SH3BGR: variants seen among roughly 807,000 people sequenced by gnomAD.
SH3BGR encodes SH3 domain binding glutamate rich protein, also known as SH3 domain-binding glutamic acid-rich protein.
Under a neutral mutation model 24.5 loss-of-function variants are expected in SH3BGR, and 29 were observed. The observed-to-expected ratio is 1.18, with a 90% CI of 0.88 to 1.61. SH3BGR has a LOEUF of 1.61. SH3BGR is among the 40% of genes most tolerant of loss of function. The pLI, the probability that SH3BGR is intolerant of heterozygous loss-of-function variation, is 0.00. For synonymous variants in SH3BGR, 55 were observed against 65.7 expected (o/e 0.84, Z 0.79); for missense variants, 162 against 205.8 (o/e 0.79, Z 1.30).
At chr21:39,496,565 A>G (rs1432228920) in intron 3 of SH3BGR, among the ~76,000 whole-genome samples, 1 of 152,060 alleles carries the variant, frequency 6.6e-6, no homozygotes, top group Non-Finnish European at 1.5e-5. Flanking sequence ...TTGCATGCCT[A>G]AAAATCTTTA....
chr21:39,458,987 C>T (rs1477816211), intron 1 of SH3BGR, among the ~76,000 whole-genome samples: 2 of 151,874 alleles, frequency 1.3e-5, no homozygotes, highest in African/African-American at 2.4e-5. Flanking sequence ...ATACTTTTGC[C>T]TCAGTATCCT....
At chr21:39,480,023 CTGTAGTTTTCAA>C (rs2078106193) in intron 3 of SH3BGR, among the ~76,000 whole-genome samples, 1 of 152,294 alleles carries the variant, frequency 6.6e-6, no homozygotes, top group South Asian at 2.1e-4. Flanking sequence ...TAGAAACTGC[CTGTAGTTTTCAA>C]TGGTCCCAGT....
At chr21:39,500,429 C>A (rs2078474494) in intron 4 of SH3BGR, among the ~76,000 whole-genome samples, 1 of 152,028 alleles carries the variant, frequency 6.6e-6, no homozygotes, top group South Asian at 2.1e-4. Context: ...TTGGTGAAGT[C>A]ACATGATTAA....
chr21:39,510,479 A>C (rs557496504), intron 5 of SH3BGR, among the ~76,000 whole-genome samples: 63 of 143,100 alleles, frequency 4.4e-4, no homozygotes, highest in Middle Eastern at 3.8e-3. Context: ...ACACACACAC[A>C]CCCCATCAAT....
intron 1 of SH3BGR, among the ~76,000 whole-genome samples, chr21:39,460,764 A>G (rs556566963): frequency 6.6e-6 from 1 of 152,222 alleles, no homozygotes; most frequent in South Asian, 2.1e-4. Flanking sequence ...CACCGCACCC[A>G]GCCTTCTATT....
chr21:39,497,815 A>G (rs2078424892), intron 3 of SH3BGR, among the ~76,000 whole-genome samples: 1 of 152,230 alleles, frequency 6.6e-6, no homozygotes, highest in African/African-American at 2.4e-5. Context: ...GGTAAACATT[A>G]GAAATAACAA....
At chr21:39,501,445 G>A (rs1170056175) in intron 4 of SH3BGR, among the ~76,000 whole-genome samples, 1 of 152,116 alleles carries the variant, frequency 6.6e-6, no homozygotes, top group African/African-American at 2.4e-5. Context: ...TTATAATCTT[G>A]TGAATCCTGG....
At chr21:39,453,312 A>G (rs1010102596) in intron 1 of SH3BGR, among the ~76,000 whole-genome samples, 1 of 152,350 alleles carries the variant, frequency 6.6e-6, no homozygotes, top group East Asian at 1.9e-4. Context: ...ACACACTCCA[A>G]ATGTGAAACT....
At chr21:39,506,461 A>G (rs2078584728) in intron 4 of SH3BGR, among the ~76,000 whole-genome samples, 1 of 152,148 alleles carries the variant, frequency 6.6e-6, no homozygotes, top group Non-Finnish European at 1.5e-5. Context: ...CTAATAAAGA[A>G]ATACCCAAGA....
intron 3 of SH3BGR, among the ~76,000 whole-genome samples, chr21:39,491,266 C>T (rs1002070672): frequency 7.2e-5 from 11 of 152,060 alleles, no homozygotes; most frequent in African/African-American, 2.7e-4. Context: ...TCTCCTGCCT[C>T]AGTCTCCCAA....
intron 3 of SH3BGR, among the ~76,000 whole-genome samples, chr21:39,487,748 A>G (rs1483837668): frequency 6.6e-6 from 1 of 152,220 alleles, no homozygotes; most frequent in African/African-American, 2.4e-5. Context: ...CTTGTGATGA[A>G]AAGTTTTGAG....
intron 2 of SH3BGR, among the ~76,000 whole-genome samples, chr21:39,465,527 C>T (rs964304433): frequency 6.6e-5 from 10 of 152,134 alleles, no homozygotes; most frequent in East Asian, 5.8e-4. Flanking sequence ...GTATCATATA[C>T]GACTTTGTTT....
chr21:39,510,437 C>CACACACACACACACACACACACTGTAGCT, intron 5 of SH3BGR, among the ~76,000 whole-genome samples: 55 of 102,766 alleles, frequency 5.4e-4, no homozygotes, highest in African/African-American at 2.4e-3. Flanking sequence ...GCTACACACA[C>CACACACACACACACACACACACTGTAGCT]ACACACACAC....
rs753244152 is a variant in SH3BGR, at chr21:39,484,694, C to T, written c.312+9479C>T. Among the ~76,000 whole-genome samples the T allele has an allele frequency of 5.4e-4, 82 of 152,302 alleles. 2 individuals are homozygous for T. Among genetic ancestry groups the T allele is most frequent in the Admixed American group, 4.6e-4 (7 of 15,302 alleles). On this transcript the variant is annotated intron_variant, in intron 3 of 6. Coordinates refer to ENST00000333634, the MANE Select transcript of SH3BGR (RefSeq NM_007341.3). The stretch of plus-strand genomic sequence containing the variant: ...GATTCTTCTCTTCTGAGAGAAGCAA[C>T]ATGAAGCCCAAGGAGCTTAAGTGAC...
intron 5 of SH3BGR, among the ~76,000 whole-genome samples, chr21:39,509,641 A>G (rs2078642944): frequency 6.6e-6 from 1 of 151,414 alleles, no homozygotes; most frequent in Non-Finnish European, 1.5e-5. Context: ...CACCTGGCTA[A>G]TTTTTGTATT....
At chr21:39,448,015 C>T (rs2077530838), upstream of SH3BGR, among the ~76,000 whole-genome samples, 1 of 152,126 alleles carries the variant, frequency 6.6e-6, no homozygotes, top group South Asian at 2.1e-4. Flanking sequence ...TTTGAGTCTT[C>T]CAGCTTATGG....
upstream of SH3BGR, among the ~76,000 whole-genome samples, chr21:39,447,780 G>A (rs2148435749): frequency 6.6e-6 from 1 of 152,232 alleles, no homozygotes; most frequent in Non-Finnish European, 1.5e-5. Context: ...GAAGAGCCAT[G>A]GCCTTTCACT....
At chr21:39,488,590 AT>A in intron 3 of SH3BGR, 1 of 262,804 alleles carries the variant, frequency 3.8e-6, no homozygotes, top group Non-Finnish European at 7.6e-6. Context: ...TAGTTTTAGG[AT>A]TATGTCCGAG....
Position 39,491,694 on chromosome 21 carries a change from A to G in SH3BGR, c.313-8129A>G, listed in dbSNP as rs149359858. 2.1e-3 allele frequency: 465 copies of G among 224,560 alleles called. 2 individuals are homozygous for G. Among genetic ancestry groups the G allele is most frequent in the African/African-American group, 9.9e-3 (432 of 43,514 alleles). The allele number at this position is 224,560 out of a possible 1,614,324, so 13.9% of individuals were successfully genotyped here. A position where few individuals can be genotyped will look rare whatever the true frequency, so the allele number is the denominator to read the frequency against. The stretch of plus-strand genomic sequence containing the variant: ...ACAACTCACACAGTAATGTAACTTC[A>G]TATCCAGCTTGGGAAGCACATAGGT... On this transcript the variant is annotated intron_variant, in intron 3 of 6. Transcript: ENST00000333634.
Sources: gnomAD v4.1 joint callset for allele counts (sites outside exome capture counted in the v4.1 genomes callset) on GRCh38, gnomAD v4.1.1 for gene constraint, MANE v1.5 for transcripts, NCBI Gene and HGNC (gene_info 2026-07-23, HGNC 2026-07-21) for gene names.